The following DCDC2 variants were observed in gnomAD, a reference collection of about 807,000 sequenced individuals.
DCDC2 encodes doublecortin domain containing 2, also known as doublecortin domain-containing protein 2.
In DCDC2, 40 loss-of-function variants were observed where a neutral mutation model predicts 50.2. The ratio of observed to expected loss-of-function variants is 0.80; its 90% CI spans 0.62 to 1.04. The LOEUF (loss-of-function observed/expected upper bound fraction) is 1.04. DCDC2 is among the 50% of genes least tolerant of loss of function. DCDC2 has a pLI of 0.00. For missense variants in DCDC2, 570 were observed against 581.9 expected, an observed-to-expected ratio of 0.98 and a Z score of 0.21; for synonymous variants, 234 against 210.6, an observed-to-expected ratio of 1.11 and a Z score of -0.96.
chr6:24,249,787 G>A (rs771881399), intron 7 of DCDC2, among the ~76,000 whole-genome samples: 3 of 152,174 alleles, frequency 2.0e-5, no homozygotes, highest in Non-Finnish European at 1.5e-5. Flanking sequence ...AAGCCTTGTC[G>A]AGTGAGTGTG....
chr6:24,184,819 G>C (rs1009452446), intron 8 of DCDC2, among the ~76,000 whole-genome samples: 1 of 152,096 alleles, frequency 6.6e-6, no homozygotes, highest in Non-Finnish European at 1.5e-5. Context: ...AAATGGTTTT[G>C]ATCCTTACTG....
intron 4 of DCDC2, among the ~76,000 whole-genome samples, chr6:24,291,659 G>T (rs1763754125): frequency 6.6e-6 from 1 of 151,256 alleles, no homozygotes; most frequent in Admixed American, 6.6e-5. Context: ...CTAATTTTTT[G>T]TATTTTTAGT....
At chr6:24,341,072 A>G (rs1581661145) in intron 2 of DCDC2, among the ~76,000 whole-genome samples, 1 of 152,322 alleles carries the variant, frequency 6.6e-6, no homozygotes, top group South Asian at 2.1e-4. Context: ...ACATATGGCT[A>G]TGTAATTTGA....
In DCDC2 at chr6:24,316,858, A is replaced by T. The variant is rs565331146; in HGVS notation, c.349-14814T>A. Among the ~76,000 whole-genome samples the T allele has an allele frequency of 2.6e-5, 4 of 152,228 alleles. No homozygotes were observed. The East Asian group carries it at 7.7e-4, about 29-fold the overall frequency. On this transcript the variant is annotated intron_variant, in intron 2 of 9. Transcript: ENST00000378454. The stretch of plus-strand genomic sequence containing the variant: ...TAAAACAGTATATATTGCTATCAAA[A>T]ATGATGACAAAGACGATGCAAGTAT...
chr6:24,265,047 T>C (rs753604703), intron 7 of DCDC2, among the ~76,000 whole-genome samples: 1 of 152,052 alleles, frequency 6.6e-6, no homozygotes, highest in Non-Finnish European at 1.5e-5. Flanking sequence ...ACACCTGTAA[T>C]CCCAGCACTG....
rs543713449 is a variant in DCDC2 at position 24,315,968 on chromosome 6, G to A, written c.349-13924C>T. 2.6e-5 allele frequency among the ~76,000 whole-genome samples: 4 copies of A among 152,294 alleles called. No homozygotes were observed. In the East Asian group the frequency reaches 7.7e-4, roughly 29 times the overall value. Reference sequence around the variant, plus strand: ...AAAAAAGAAAAGTGGGTGAAGCCTAGATACATGTTTGCAGTAGAAGCTGGA... The same window carrying A: ...AAAAAAGAAAAGTGGGTGAAGCCTAAATACATGTTTGCAGTAGAAGCTGGA... On this transcript the variant is annotated intron_variant, in intron 2 of 9. Coordinates refer to ENST00000378454, the MANE Select transcript of DCDC2 (RefSeq NM_016356.5).
intron 7 of DCDC2, among the ~76,000 whole-genome samples, chr6:24,251,729 A>C (rs1239408822): frequency 2.2e-4 from 34 of 152,320 alleles, no homozygotes; most frequent in Non-Finnish European, 7.3e-5. Flanking sequence ...TTTCTTAAGC[A>C]TTATAAGTAA....
intron 7 of DCDC2, among the ~76,000 whole-genome samples, chr6:24,235,641 A>G (rs1762428337): frequency 6.6e-6 from 1 of 152,204 alleles, no homozygotes; most frequent in African/African-American, 2.4e-5. Flanking sequence ...GCATCAAAGA[A>G]ACATACCTCA....
rs561611507 is a variant in DCDC2, at chr6:24,238,670, T to C, written c.923-33568A>G. ...TCCAGAAATCCTTCTCGCAGAGGAATGACTGAAAGAATCAGGATGTTTTCA... is the reference window on the plus strand; with the variant it reads ...TCCAGAAATCCTTCTCGCAGAGGAACGACTGAAAGAATCAGGATGTTTTCA... On this transcript the variant is annotated intron_variant, in intron 7 of 9. Transcript: ENST00000378454. Among the ~76,000 whole-genome samples the C allele has an allele frequency of 4.6e-5, 7 of 152,290 alleles. No individual in the cohort carries two copies. In the South Asian group the frequency reaches 1.4e-3, roughly 32 times the overall value.
chr6:24,259,829 C>T (rs1561747263), intron 7 of DCDC2, among the ~76,000 whole-genome samples: 1 of 152,116 alleles, frequency 6.6e-6, no homozygotes, highest in Non-Finnish European at 1.5e-5. Flanking sequence ...CTTGTAATAT[C>T]CTACCTTGAC....
At chr6:24,306,139 T>C (rs1313580699) in intron 2 of DCDC2, among the ~76,000 whole-genome samples, 1 of 152,060 alleles carries the variant, frequency 6.6e-6, no homozygotes, top group Non-Finnish European at 1.5e-5. Flanking sequence ...GAGTATGAGG[T>C]ATTCTCACTC....
chr6:24,198,406 G>C (rs1162261176), intron 8 of DCDC2, among the ~76,000 whole-genome samples: 1 of 152,136 alleles, frequency 6.6e-6, no homozygotes, highest in Non-Finnish European at 1.5e-5. Context: ...CAAGGGGTTG[G>C]GGAACTCACT....
intron 9 of DCDC2, among the ~76,000 whole-genome samples, chr6:24,176,207 G>T (rs543315918): frequency 2.6e-5 from 4 of 152,138 alleles, no homozygotes; most frequent in Admixed American, 6.5e-5. Flanking sequence ...GAAGTGGGAG[G>T]ATCACTTGAG....
intron 6 of DCDC2, among the ~76,000 whole-genome samples, chr6:24,283,407 C>T (rs956530002): frequency 8.0e-6 from 1 of 124,682 alleles, no homozygotes; most frequent in Non-Finnish European, 1.8e-5. Context: ...CAGCAGGGGT[C>T]CCTGTGTACA....
intron 7 of DCDC2, among the ~76,000 whole-genome samples, chr6:24,224,976 A>G (rs1762197542): frequency 6.6e-6 from 1 of 152,176 alleles, no homozygotes; most frequent in African/African-American, 2.4e-5. Context: ...CCAATTAAAA[A>G]CATAATAAAT....
chr6:24,205,323 A>T (rs759962581), intron 7 of DCDC2: 5 of 1,525,460 alleles, frequency 3.3e-6, no homozygotes, highest in Non-Finnish European at 3.5e-6. Flanking sequence ...CTGACCCAGC[A>T]GGGTAAAGTT....
the DCDC2 span, among the ~76,000 whole-genome samples, chr6:24,366,325 A>G: frequency 6.6e-6 from 1 of 152,192 alleles, no homozygotes; most frequent in South Asian, 2.1e-4. Flanking sequence ...CCAAGTTACA[A>G]TTTTATTTCT....
chr6:24,306,417 G>A (rs1007145250), intron 2 of DCDC2, among the ~76,000 whole-genome samples: 10 of 152,120 alleles, frequency 6.6e-5, no homozygotes, highest in Admixed American at 5.9e-4. Flanking sequence ...GGTTAGCCGA[G>A]TGAATTAGAG....
chr6:24,309,617 G>A (rs1364562991), intron 2 of DCDC2, among the ~76,000 whole-genome samples: 1 of 152,124 alleles, frequency 6.6e-6, no homozygotes, highest in Non-Finnish European at 1.5e-5. Flanking sequence ...TTGTTTAAAT[G>A]TTTGATGAAT....
Sources: gnomAD v4.1 joint callset for allele counts (sites outside exome capture counted in the v4.1 genomes callset) on GRCh38, gnomAD v4.1.1 for gene constraint, MANE v1.5 for transcripts, NCBI Gene and HGNC (gene_info 2026-07-23, HGNC 2026-07-21) for gene names.